The following PDIA5 variants were observed in gnomAD, a reference collection of about 807,000 sequenced individuals.
The protein encoded by PDIA5 is protein disulfide-isomerase A5.
PDIA5 carries 58 observed loss-of-function variants against 77.6 expected under a neutral mutation model. That is an observed-to-expected ratio of 0.75 (90% CI 0.61 to 0.93). PDIA5 has a LOEUF of 0.93. Ranked by LOEUF, PDIA5 falls within the 40% of genes least tolerant of loss-of-function variation. PDIA5 has a pLI of 0.00. For missense variants in PDIA5, 630 were observed against 647.7 expected (o/e 0.97, Z 0.30); for synonymous variants, 250 against 252.1 (o/e 0.99, Z 0.08).
At chr3:123,099,262 T>C (rs948677282) in intron 3 of PDIA5, among the ~76,000 whole-genome samples, 1 of 152,198 alleles carries the variant, frequency 6.6e-6, no homozygotes, top group African/African-American at 2.4e-5. Context: ...GACAGTATCA[T>C]TCATTTCAGC....
intron 6 of PDIA5, among the ~76,000 whole-genome samples, chr3:123,107,795 T>A (rs1934771396): frequency 6.6e-6 from 1 of 152,118 alleles, no homozygotes; most frequent in Admixed American, 6.6e-5. Context: ...TCCTTTAAAA[T>A]TGTTGACTTT....
At chr3:123,077,154 T>C (rs943734044) in intron 1 of PDIA5, among the ~76,000 whole-genome samples, 1 of 152,188 alleles carries the variant, frequency 6.6e-6, no homozygotes, top group Admixed American at 6.5e-5. Context: ...GGTGCTGGAG[T>C]CTGTCAGACT....
intron 1 of PDIA5, among the ~76,000 whole-genome samples, chr3:123,068,354 G>A (rs1248581621): frequency 6.6e-6 from 1 of 152,196 alleles, no homozygotes; most frequent in Non-Finnish European, 1.5e-5. Flanking sequence ...GTGAGGAGTG[G>A]CCTGGTACTC....
At chr3:123,147,020 A>C (rs1035417597) in intron 13 of PDIA5, among the ~76,000 whole-genome samples, 4 of 152,170 alleles carry the variant, frequency 2.6e-5, no homozygotes, top group African/African-American at 9.7e-5. Flanking sequence ...CATGTTGCCC[A>C]GGCTGGTCTC....
intron 15 of PDIA5, among the ~76,000 whole-genome samples, chr3:123,158,211 G>T (rs1936064595): frequency 6.6e-6 from 1 of 152,244 alleles, no homozygotes; most frequent in African/African-American, 2.4e-5. Context: ...TTCTTCCACT[G>T]AAAGCATTTC....
intron 14 of PDIA5, among the ~76,000 whole-genome samples, chr3:123,154,123 G>A (rs549276631): frequency 2.0e-5 from 3 of 152,298 alleles, no homozygotes; most frequent in African/African-American, 7.2e-5. Flanking sequence ...AGGAGAAAGT[G>A]GCCCCCACAG....
At chr3:123,101,854 T>C (rs1454548533) in intron 3 of PDIA5, among the ~76,000 whole-genome samples, 1 of 150,572 alleles carries the variant, frequency 6.6e-6, no homozygotes, top group South Asian at 2.1e-4. Flanking sequence ...ACCCACAAGT[T>C]GTGACACACA....
At chr3:123,071,448 G>A (rs1933721037) in intron 1 of PDIA5, among the ~76,000 whole-genome samples, 1 of 152,138 alleles carries the variant, frequency 6.6e-6, no homozygotes, top group African/African-American at 2.4e-5. Flanking sequence ...AGCTTTTAAG[G>A]TACACTTATT....
intron 16 of PDIA5, 172 bp from the exon 17 acceptor site, chr3:123,161,708 G>A: frequency 1.5e-6 from 1 of 663,782 alleles, no homozygotes; most frequent in Non-Finnish European, 2.6e-6. Context: ...CTCACTTGCT[G>A]GTCGGGGCTG....
chr3:123,145,618 C>T (rs369994603), intron 12 of PDIA5, 26 bp downstream of exon 12: 1 of 1,571,512 alleles, frequency 6.4e-7, no homozygotes, highest in Non-Finnish European at 8.8e-7. Context: ...TTCCCCCTCA[C>T]CGTTCTCTTT....
In PDIA5 at chr3:123,106,733, CT is replaced by C. The variant is rs747458347; in HGVS notation, c.388-8del. The C allele has an allele frequency of 7.6e-6, 12 of 1,578,292 alleles. No individual in the cohort carries two copies. Among genetic ancestry groups the C allele is most frequent in the Admixed American group, 1.7e-5 (1 of 59,584 alleles). ...AGGGCTAAAATGCATTTTCTCTTCT[CT>C]TTTTTTTCCCTCAGTCCATAGTGGC... On this transcript the variant is annotated splice_polypyrimidine_tract_variant and intron_variant, in intron 5 of 16. Transcript: ENST00000316218.
intron 14 of PDIA5, among the ~76,000 whole-genome samples, chr3:123,152,496 A>G (rs374992002): frequency 1.3e-5 from 2 of 152,322 alleles, no homozygotes; most frequent in African/African-American, 4.8e-5. Flanking sequence ...AAAAAGATAC[A>G]TCTTTTGACT....
rs770393768 is a variant in PDIA5 at position 123,106,757 on chromosome 3, G to C, written c.396G>C (p.Val132=). The C allele has an allele frequency of 6.2e-7, 1 of 1,608,472 alleles. No individual in the cohort carries two copies. Among genetic ancestry groups the C allele is most frequent in the Admixed American group, 1.7e-5 (1 of 59,830 alleles). Residue 132 remains valine, a synonymous_variant, in exon 6 of 17, where the codon GTG becomes GTC. Coordinates refer to ENST00000316218, the MANE Select transcript of PDIA5 (RefSeq NM_006810.4). ...TCTTTTTTTTCCCTCAGTCCATAGT[G>C]GCCTTTTTGAAGGATCCAAAAGGGC... is the stretch of plus-strand genomic sequence containing the variant. The part of the protein sequence containing the change: ...YNRAVTFKSI[V]AFLKDPKGPP...
At chr3:123,095,206 C>T (rs4677994) in intron 3 of PDIA5, among the ~76,000 whole-genome samples, 10,475 of 152,182 alleles carry the variant, frequency 0.069, 507 homozygotes, top group Middle Eastern at 0.16. Flanking sequence ...TGATAAGGAT[C>T]GGGTAAATGA....
At chr3:123,078,634 G>C in intron 1 of PDIA5, among the ~76,000 whole-genome samples, 1 of 152,068 alleles carries the variant, frequency 6.6e-6, no homozygotes, top group Non-Finnish European at 1.5e-5. Flanking sequence ...AAAACACAAA[G>C]ACATTCTCTT....
At chr3:123,119,373 A>G (rs1439795989) in intron 8 of PDIA5, among the ~76,000 whole-genome samples, 2 of 152,210 alleles carry the variant, frequency 1.3e-5, no homozygotes, top group Non-Finnish European at 2.9e-5. Flanking sequence ...AAAGCTGGGC[A>G]AGTCAAGCTG....
chr3:123,135,320 G>A (rs1044598719), intron 11 of PDIA5, among the ~76,000 whole-genome samples: 4 of 152,138 alleles, frequency 2.6e-5, no homozygotes, highest in African/African-American at 9.7e-5. Context: ...GGGTGTTCCT[G>A]AGCAGCTCGT....
At chr3:123,075,853 A>C (rs1174240094) in intron 1 of PDIA5, among the ~76,000 whole-genome samples, 2 of 152,206 alleles carry the variant, frequency 1.3e-5, no homozygotes, top group Non-Finnish European at 2.9e-5. Flanking sequence ...AAGCTACAAA[A>C]CTAGACACAT....
intron 11 of PDIA5, among the ~76,000 whole-genome samples, chr3:123,140,379 GA>G (rs141943550): frequency 0.12 from 18,393 of 152,170 alleles, 1,523 homozygotes; most frequent in African/African-American, 0.24. Context: ...TTGATGTTTT[GA>G]AAATATACCC....
Sources: gnomAD v4.1 joint callset for allele counts (sites outside exome capture counted in the v4.1 genomes callset) on GRCh38, gnomAD v4.1.1 for gene constraint, MANE v1.5 for transcripts, NCBI Gene and HGNC (gene_info 2026-07-23, HGNC 2026-07-21) for gene names.